The following RAB38 variants were observed in gnomAD, a reference collection of about 807,000 sequenced individuals.
RAB38 encodes ras-related protein Rab-38.
A neutral mutation model predicts 18.4 loss-of-function variants in RAB38; 15 were observed. The observed-to-expected ratio is 0.82, with a 90% CI of 0.55 to 1.26. The LOEUF is 1.26. Among genes scored for constraint, RAB38 ranks in the 50% most tolerant of loss-of-function variants. The probability of loss-of-function intolerance (pLI) is 0.00; values close to 1 mark genes in which losing one functional copy is unlikely to be tolerated. For synonymous variants in RAB38, 101 were observed against 104.4 expected (o/e 0.97, Z 0.20); for missense variants, 294 against 267.4 (o/e 1.10, Z -0.69).
chr11:87,868,141 G>A, the RAB38 span, among the ~76,000 whole-genome samples: 1 of 151,698 alleles, frequency 6.6e-6, no homozygotes, highest in Non-Finnish European at 1.5e-5. Context: ...CAGTGCTGGA[G>A]TTGAAGCCTA....
chr11:88,085,158 A>G, the RAB38 span, among the ~76,000 whole-genome samples: 5 of 151,936 alleles, frequency 3.3e-5, no homozygotes, highest in African/African-American at 4.8e-5. Context: ...TACAGGAGCA[A>G]TGATGCTCTG....
chr11:87,876,908 C>T, the RAB38 span, among the ~76,000 whole-genome samples: 31 of 151,658 alleles, frequency 2.0e-4, no homozygotes, highest in Middle Eastern at 3.4e-3. Context: ...GGAAATTAAA[C>T]ACATAATATA....
At chr11:87,893,061 C>G in the RAB38 span, among the ~76,000 whole-genome samples, 3 of 151,502 alleles carry the variant, frequency 2.0e-5, no homozygotes, top group Non-Finnish European at 4.4e-5. Context: ...CACAGATACT[C>G]CATGTATAAA....
At chr11:87,938,488 G>A in the RAB38 span, among the ~76,000 whole-genome samples, 1 of 152,014 alleles carries the variant, frequency 6.6e-6, no homozygotes, top group African/African-American at 2.4e-5. Flanking sequence ...GAGAAGTCCA[G>A]TTTCCCACTT....
At chr11:87,856,710 T>C in the RAB38 span, among the ~76,000 whole-genome samples, 11 of 152,170 alleles carry the variant, frequency 7.2e-5, no homozygotes, top group South Asian at 2.1e-4. Context: ...TCCTCCTCCT[T>C]CTTCTTCTTT....
the RAB38 span, among the ~76,000 whole-genome samples, chr11:87,855,261 C>T: frequency 1.3e-5 from 2 of 152,102 alleles, no homozygotes; most frequent in Admixed American, 6.6e-5. Flanking sequence ...TCAAACTTTT[C>T]ATGATTTGTT....
chr11:88,141,448 G>T (rs2134812867), intron 2 of RAB38, among the ~76,000 whole-genome samples: 1 of 152,244 alleles, frequency 6.6e-6, no homozygotes, highest in Admixed American at 6.5e-5. Context: ...ATAGTGCTGA[G>T]GTTGAAAAAC....
the RAB38 span, among the ~76,000 whole-genome samples, chr11:88,053,064 A>ATATACACATATATATGGAATATATATAT: frequency 6.3e-5 from 4 of 63,602 alleles, no homozygotes; most frequent in Non-Finnish European, 9.8e-5. Flanking sequence ...TATATATATT[A>ATATACACATATATATGGAATATATATAT]TATATATACA....
intron 2 of RAB38, among the ~76,000 whole-genome samples, chr11:88,121,857 G>A (rs1449035255): frequency 4.0e-5 from 6 of 150,346 alleles, no homozygotes; most frequent in African/African-American, 9.8e-5. Context: ...CTGCCGCGCC[G>A]GCCCAGAGCC....
At chr11:88,041,693 C>T in the RAB38 span, among the ~76,000 whole-genome samples, 12 of 152,314 alleles carry the variant, frequency 7.9e-5, no homozygotes, top group African/African-American at 2.6e-4. Context: ...CTTACTAAAT[C>T]TGAAAATCAT....
At chr11:87,908,364 A>C in the RAB38 span, among the ~76,000 whole-genome samples, 1 of 151,982 alleles carries the variant, frequency 6.6e-6, no homozygotes, top group East Asian at 1.9e-4. Flanking sequence ...AGGATGCCAA[A>C]TTCAATCTCA....
chr11:87,872,343 G>A, the RAB38 span, among the ~76,000 whole-genome samples: 1 of 151,474 alleles, frequency 6.6e-6, no homozygotes, highest in Admixed American at 6.6e-5. Flanking sequence ...TGGAAAGTAT[G>A]AATAGTTCCC....
the RAB38 span, among the ~76,000 whole-genome samples, chr11:88,005,681 A>G: frequency 1.3e-5 from 2 of 150,278 alleles, no homozygotes; most frequent in African/African-American, 4.8e-5. Context: ...GCCTAGAGCA[A>G]TGTCTTGGAG....
the RAB38 span, among the ~76,000 whole-genome samples, chr11:87,955,710 A>G: frequency 6.6e-6 from 1 of 152,044 alleles, no homozygotes; most frequent in Non-Finnish European, 1.5e-5. Flanking sequence ...TCAATCATCC[A>G]TTGAGCTAGG....
At chr11:88,027,882 C>A in the RAB38 span, among the ~76,000 whole-genome samples, 2 of 152,174 alleles carry the variant, frequency 1.3e-5, no homozygotes, top group African/African-American at 4.8e-5. Context: ...CAGTGGTTCT[C>A]CCAGCATGCA....
At chr11:88,085,627 GA>G in the RAB38 span, among the ~76,000 whole-genome samples, 1 of 151,758 alleles carries the variant, frequency 6.6e-6, no homozygotes, top group Admixed American at 6.6e-5. Flanking sequence ...AATAAATGGG[GA>G]TTACTTGTTT....
At chr11:87,863,952 G>A in the RAB38 span, among the ~76,000 whole-genome samples, 2 of 151,718 alleles carry the variant, frequency 1.3e-5, no homozygotes, top group Middle Eastern at 3.4e-3. Flanking sequence ...AGTGCAAAGC[G>A]GTTACCACCC....
downstream of RAB38, among the ~76,000 whole-genome samples, chr11:88,111,329 G>C (rs1282357139): frequency 3.9e-5 from 6 of 152,022 alleles, no homozygotes; most frequent in Non-Finnish European, 5.9e-5. Context: ...CTATCTAGTA[G>C]CAACCCCATT....
At chr11:87,871,734 T>G in the RAB38 span, among the ~76,000 whole-genome samples, 128 of 151,668 alleles carry the variant, frequency 8.4e-4, 1 homozygote, top group African/African-American at 2.9e-3. Flanking sequence ...ACACCATGAA[T>G]TAGGGTTGAC....
Sources: allele counts gnomAD v4.1 joint callset (sites outside exome capture counted in the v4.1 genomes callset), GRCh38; gene constraint gnomAD v4.1.1; transcripts MANE v1.5; gene names NCBI Gene and HGNC (gene_info 2026-07-23, HGNC 2026-07-21).